MGAT4B: variants seen among roughly 807,000 people sequenced by gnomAD.
The protein encoded by MGAT4B is alpha-1,3-mannosyl-glycoprotein 4-beta-N-acetylglucosaminyltransferase B, also known as N-acetylglucosaminyltransferase IVb.
Under a neutral mutation model 73.9 loss-of-function variants are expected in MGAT4B, and 38 were observed. The observed-to-expected ratio is 0.51, with a 90% CI of 0.40 to 0.67. The LOEUF (loss-of-function observed/expected upper bound fraction) is 0.67, where lower values mean the gene tolerates loss of function less well. Among genes scored for constraint, MGAT4B ranks in the 30% least tolerant of loss-of-function variants. MGAT4B has a pLI of 0.00. For missense variants in MGAT4B, 686 were observed against 735.2 expected (o/e 0.93, Z 0.77); for synonymous variants, 373 against 313.5 (o/e 1.19, Z -2.01).
Position 179,799,039 on chromosome 5 carries a change from T to C in MGAT4B, c.1232A>G (p.Gln411Arg). Residue 411 changes from glutamine (Q) to arginine (R), a missense_variant, in exon 11 of 15, where the codon CAG (glutamine) becomes CGG (arginine). Around this residue, in one of 2 missense-constraint regions of MGAT4B, gnomAD observed 449 missense variants for 536.8 expected, o/e 0.84. Transcript: ENST00000292591. The stretch of plus-strand genomic sequence containing the variant: ...GTAGGCTTTCTCCAGGGTGAAGTGC[T>C]GGTATGTCTTCAGGCTCGTGCTCAC... ...AEVSTSLKTYQHFTLEKAYLR... is the reference protein window; with the variant it reads ...AEVSTSLKTYRHFTLEKAYLR... The C allele has an allele frequency of 6.2e-7, 1 of 1,613,972 alleles. No homozygotes were observed. Among genetic ancestry groups the C allele is most frequent in the Non-Finnish European group, 8.5e-7 (1 of 1,180,010 alleles).
At chr5:179,800,316 C>G (rs557839334) in intron 6 of MGAT4B, 57 bp from the exon 7 acceptor site, 1 of 1,593,108 alleles carries the variant, frequency 6.3e-7, no homozygotes, top group Non-Finnish European at 8.6e-7. Flanking sequence ...ATTGTGGCTC[C>G]GCAGAGAAGC....
chr5:179,806,440 C>T lies in MGAT4B; in HGVS notation c.97+47G>A. ...CCACCGCCGGGCCCGCTCCCGCCGC[C>T]GACGCCCAGGTGCGCCAGGTGCGGG... On this transcript the variant is annotated intron_variant, in intron 1 of 14. Transcript: ENST00000292591. This position sits in a 1 kb window ranked among gnomAD's most constrained non-coding sequence, Gnocchi z 4.6. 1.7e-6 allele frequency: 2 copies of T among 1,145,446 alleles called. No homozygotes were observed. Among genetic ancestry groups the T allele is most frequent in the Non-Finnish European group, 1.1e-6 (1 of 913,176 alleles). The allele number at this position is 1,145,446 out of a possible 1,614,324, so 71.0% of individuals were successfully genotyped here. A position where few individuals can be genotyped will look rare whatever the true frequency, so the allele number is the denominator to read the frequency against.
Position 179,801,127 on chromosome 5 carries a change from A to T in MGAT4B, c.559-174T>A. ...ACGGCCCTTTCCCTTTGGGACTCGC[A>T]TGGCCAAGGACTAGGGGGTGGCGGG... On this transcript the variant is annotated intron_variant, in intron 4 of 14. Transcript: ENST00000292591. The surrounding 1 kb of genome is among the most constrained non-coding windows in gnomAD (Gnocchi z 4.8). The T allele has an allele frequency of 8.9e-7, 1 of 1,125,914 alleles. No individual in the cohort carries two copies. Among genetic ancestry groups the T allele is most frequent in the Non-Finnish European group, 1.2e-6 (1 of 800,650 alleles). The allele number at this position is 1,125,914 out of a possible 1,614,324, so 69.7% of individuals were successfully genotyped here.
rs977893173 is a variant in MGAT4B at position 179,799,231 on chromosome 5, G to A, written c.1121C>T (p.Ser374Leu). Residue 374 changes from serine (S) to leucine (L), a missense_variant, in exon 10 of 15, where the codon TCG becomes TTG. Physicochemically the swap from Ser to Leu is moderately radical, Grantham distance 145. Transcript: ENST00000292591. ...CAGTTTCTGGATCTTGCCAGCCAGC[G>A]AGGAGTGAGTGCCCACGTGCTGGAA... Reference protein sequence around the residue: ...SLFQHVGTHSSLAGKIQKLKD... With the variant: ...SLFQHVGTHSLLAGKIQKLKD... The A allele has an allele frequency of 3.7e-6, 6 of 1,613,930 alleles. No homozygotes were observed. Among genetic ancestry groups the A allele is most frequent in the African/African-American group, 1.3e-5 (1 of 74,960 alleles).
In MGAT4B at chr5:179,799,215, G is replaced by C. The variant is rs748405884; in HGVS notation, c.1137C>G (p.Ile379Met). 6.2e-7 allele frequency: 1 copy of C among 1,614,010 alleles called. No homozygotes were observed. ...CAGTGCAGCCCACCTTCAGTTTCTG[G>C]ATCTTGCCAGCCAGCGAGGAGTGAG... ...VGTHSSLAGKIQKLKDKDFGK... is the reference protein window; with the variant it reads ...VGTHSSLAGKMQKLKDKDFGK... Residue 379 changes from isoleucine (I) to methionine (M), a missense_variant, in exon 10 of 15, where the codon ATC becomes ATG. By Grantham distance (10) the Ile-to-Met change is conservative (BLOSUM62 1). This residue lies in a region of MGAT4B where 449 missense variants were observed against 536.8 expected (regional missense o/e 0.84). Coordinates refer to ENST00000292591, the MANE Select transcript of MGAT4B (RefSeq NM_014275.5).
rs778726191 is a variant in MGAT4B at position 179,800,438 on chromosome 5, A to G, written c.719+46T>C. 5 of 1,471,724 alleles carry G rather than the reference A, an allele frequency of 3.4e-6. No homozygotes were observed. In the African/African-American group the frequency reaches 7.0e-5, roughly 20 times the overall value. 91.2% of individuals were successfully genotyped at this position (1,471,724 alleles called of 1,614,324 possible). A position where few individuals can be genotyped will look rare whatever the true frequency, so the allele number is the denominator to read the frequency against. On this transcript the variant is annotated intron_variant, in intron 6 of 14. Coordinates refer to ENST00000292591, the MANE Select transcript of MGAT4B (RefSeq NM_014275.5). ...CTCAAACACCAGTAGATGGGTTCTCAGCACAGGCAGGCGGGTTGCTGAGGG... is the reference window on the plus strand; with the variant it reads ...CTCAAACACCAGTAGATGGGTTCTCGGCACAGGCAGGCGGGTTGCTGAGGG...
At chr5:179,798,490 C>A (rs1444226825) in intron 12 of MGAT4B, 23 bp downstream of exon 12, 2 of 1,613,364 alleles carry the variant, frequency 1.2e-6, no homozygotes, top group Non-Finnish European at 1.7e-6. Flanking sequence ...GGCTTCAGTG[C>A]ACACCACACC....
At chr5:179,802,023 G>A (rs1756968663) in intron 1 of MGAT4B, 54 bp from the exon 2 acceptor site, 3 of 1,612,558 alleles carry the variant, frequency 1.9e-6, no homozygotes, top group African/African-American at 1.3e-5. Context: ...CACCCTACGG[G>A]CCCCTCCAGT....
intron 4 of MGAT4B, 35 bp from the exon 5 acceptor site, chr5:179,800,988 C>A (rs1360069065): frequency 6.2e-7 from 1 of 1,612,206 alleles, no homozygotes; most frequent in Non-Finnish European, 8.5e-7. Context: ...CTTAGCCCTG[C>A]TGCTGCCCCA....
In MGAT4B at chr5:179,801,519, C is replaced by G; in HGVS notation, c.424+35G>C. 6.2e-7 allele frequency: 1 copy of G among 1,602,884 alleles called. No homozygotes were observed. Among genetic ancestry groups the G allele is most frequent in the Non-Finnish European group, 8.5e-7 (1 of 1,173,076 alleles). On this transcript the variant is annotated intron_variant, in intron 3 of 14. Coordinates refer to ENST00000292591, the MANE Select transcript of MGAT4B (RefSeq NM_014275.5). The surrounding 1 kb of genome is among the most constrained non-coding windows in gnomAD (Gnocchi z 4.8). ...GAAAGGGTGCGGGGGCCACCCGTCC[C>G]CCCACCCCGTGCTCCTCCCTGTCTG...
chr5:179,801,400 G>A lies in MGAT4B; in HGVS notation c.492C>T (p.His164=), dbSNP rs1756919943. The A allele has an allele frequency of 6.2e-7, 1 of 1,612,784 alleles. No individual in the cohort carries two copies. Among genetic ancestry groups the A allele is most frequent in the Non-Finnish European group, 8.5e-7 (1 of 1,179,576 alleles). ...GCGGGCTCAGCTCGGAGATGAGCGAGTGCAGAGTGTCAGTCAGGTACGAGT... is the reference window on the plus strand; with the variant it reads ...GCGGGCTCAGCTCGGAGATGAGCGAATGCAGAGTGTCAGTCAGGTACGAGT... ...EVHSYLTDTL[H]SLISELSPQE... Residue 164 remains histidine, a synonymous_variant, in exon 4 of 15, where the codon CAC becomes CAT. Coordinates refer to ENST00000292591, the MANE Select transcript of MGAT4B (RefSeq NM_014275.5). This position sits in a 1 kb window ranked among gnomAD's most constrained non-coding sequence, Gnocchi z 4.8.
chr5:179,799,746 G>A, intron 8 of MGAT4B, 110 bp from the exon 9 acceptor site: 1 of 1,506,166 alleles, frequency 6.6e-7, no homozygotes, highest in East Asian at 2.3e-5. Flanking sequence ...GGCAGGTGTG[G>A]GCATAACGGG....
At chr5:179,805,686 C>T (rs377444608) in intron 1 of MGAT4B, among the ~76,000 whole-genome samples, 6 of 152,256 alleles carry the variant, frequency 3.9e-5, no homozygotes, top group Admixed American at 2.6e-4. Context: ...GGCCGAGGGG[C>T]AGCTGGACTC....
intron 6 of MGAT4B, 31 bp downstream of exon 6, chr5:179,800,453 G>T: frequency 6.6e-7 from 1 of 1,505,216 alleles, no homozygotes; most frequent in Non-Finnish European, 9.2e-7. Context: ...AGGCAGGCGG[G>T]TTGCTGAGGG....
chr5:179,803,158 G>GA, intron 1 of MGAT4B: 4 of 985,604 alleles, frequency 4.1e-6, no homozygotes, highest in Non-Finnish European at 4.8e-6. Flanking sequence ...GGGCAGGAGG[G>GA]AAAGGTTTAA....
At position 179,797,802 on chromosome 5, in the gene MGAT4B, G is replaced by A. The variant is rs556689438; in HGVS notation, c.*243C>T. ...GGCCTGACTGGGGCAGGCCGGGTGC[G>A]AACGGTTCCGGGCCTCAGGCACAGT... On this transcript the variant is annotated 3_prime_UTR_variant, in exon 15 of 15. Transcript: ENST00000292591. The A allele has an allele frequency of 9.1e-5, 45 of 492,930 alleles. No homozygotes were observed. Among genetic ancestry groups the A allele is most frequent in the South Asian group, 6.4e-4 (22 of 34,404 alleles). The allele number at this position is 492,930 out of a possible 1,614,324, so 30.5% of individuals were successfully genotyped here. A position where few individuals can be genotyped will look rare whatever the true frequency, so the allele number is the denominator to read the frequency against.
intron 8 of MGAT4B, 64 bp downstream of exon 8, chr5:179,799,890 G>A (rs2113426920): frequency 6.8e-7 from 1 of 1,464,926 alleles, no homozygotes; most frequent in East Asian, 2.3e-5. Context: ...CAGTGGGACT[G>A]GGAGAGAGGA....
At chr5:179,799,805 A>T (rs568512007) in intron 8 of MGAT4B, 149 bp downstream of exon 8, 2 of 1,243,784 alleles carry the variant, frequency 1.6e-6, no homozygotes, top group Admixed American at 3.8e-5. Flanking sequence ...ATGCACAGGC[A>T]ATGAGAACAG....
rs1421956194 is a variant in MGAT4B, at chr5:179,800,526, G to C, written c.677C>G (p.Ser226Cys). Residue 226 changes from serine (S) to cysteine (C), a missense_variant, in exon 6 of 15, where the codon TCC becomes TGC. By Grantham distance (112) the Ser-to-Cys change is moderately radical (BLOSUM62 -1). Coordinates refer to ENST00000292591, the MANE Select transcript of MGAT4B (RefSeq NM_014275.5). ...GTCCCCAAAGGACTCTCGGAGGCGG[G>C]AGAAGTCAGGGTAGAAGTGGGGGGA... ...SPSPHFYPDF[S>C]RLRESFGDPK... The C allele has an allele frequency of 1.9e-6, 3 of 1,611,980 alleles. No individual in the cohort carries two copies. The highest frequency in any genetic ancestry group is 2.5e-6 in the Non-Finnish European group (3 of 1,179,652).
Sources: gnomAD v4.1 joint callset for allele counts (sites outside exome capture counted in the v4.1 genomes callset) on GRCh38, gnomAD v4.1.1 for gene constraint, gnomAD v4.1.1 regional missense constraint, Gnocchi (gnomAD v3.1) non-coding constraint, MANE v1.5 for transcripts, NCBI Gene and HGNC (gene_info 2026-07-23, HGNC 2026-07-21) for gene names.